Variants in EPHA6 observed in about 807,000 individuals in gnomAD.
EPHA6 encodes EPH receptor A6.
A neutral mutation model predicts 112.0 loss-of-function variants in EPHA6; 50 were observed. The ratio of observed to expected loss-of-function variants is 0.45; its 90% CI spans 0.36 to 0.56. The LOEUF is 0.56. Among genes scored for constraint, EPHA6 ranks in the 20% least tolerant of loss-of-function variants. The pLI, the probability that EPHA6 is intolerant of heterozygous loss-of-function variation, is 0.00. For missense variants in EPHA6, 1,280 were observed against 1,417.4 expected (o/e 0.90, Z 1.56); for synonymous variants, 529 against 490.7 (o/e 1.08, Z -1.03).
intron 7 of EPHA6, among the ~76,000 whole-genome samples, chr3:97,449,324 T>C (rs1442156583): frequency 6.6e-6 from 1 of 152,094 alleles, no homozygotes; most frequent in African/African-American, 2.4e-5. Context: ...ACCAATGAAC[T>C]CTTTTTGGCC....
At chr3:96,866,766 AAT>A in intron 1 of EPHA6, 57 bp from the exon 2 acceptor site, 3 of 861,234 alleles carry the variant, frequency 3.5e-6, no homozygotes, top group Non-Finnish European at 5.2e-6. Flanking sequence ...TTAATAATTT[AAT>A]ATATTTTTGC....
intron 3 of EPHA6, among the ~76,000 whole-genome samples, chr3:97,114,235 T>C (rs1161449217): frequency 6.6e-6 from 1 of 152,104 alleles, no homozygotes; most frequent in Non-Finnish European, 1.5e-5. Context: ...AGACTTCTAA[T>C]AATATTTAAG....
intron 3 of EPHA6, among the ~76,000 whole-genome samples, chr3:97,026,627 A>C (rs529213508): frequency 6.6e-6 from 1 of 152,306 alleles, no homozygotes; most frequent in South Asian, 2.1e-4. Context: ...AAAATTAGGC[A>C]AAGGACATGA....
At chr3:97,062,390 G>C (rs1253134329) in intron 3 of EPHA6, among the ~76,000 whole-genome samples, 1 of 152,086 alleles carries the variant, frequency 6.6e-6, no homozygotes, top group African/African-American at 2.4e-5. Context: ...GCTGAGATAG[G>C]GTTCCCGAGA....
intron 10 of EPHA6, among the ~76,000 whole-genome samples, chr3:97,516,174 G>A (rs1469534416): frequency 6.6e-6 from 1 of 152,090 alleles, no homozygotes; most frequent in Non-Finnish European, 1.5e-5. Flanking sequence ...TAGGTGGTAG[G>A]TATTTAACCA....
intron 6 of EPHA6, among the ~76,000 whole-genome samples, chr3:97,447,361 A>T: frequency 6.6e-6 from 1 of 152,146 alleles, no homozygotes; most frequent in East Asian, 1.9e-4. Flanking sequence ...TTTGATGGGA[A>T]TATTATAGAC....
intron 14 of EPHA6, among the ~76,000 whole-genome samples, chr3:97,679,458 G>C (rs74381148): frequency 6.6e-6 from 1 of 152,010 alleles, no homozygotes; most frequent in Non-Finnish European, 1.5e-5. Flanking sequence ...GTACTGCTAG[G>C]CATGAAAACA....
chr3:97,588,563 G>A (rs1202688952), intron 11 of EPHA6, among the ~76,000 whole-genome samples: 2 of 152,092 alleles, frequency 1.3e-5, no homozygotes, highest in Non-Finnish European at 2.9e-5. Context: ...TTTTCTATGA[G>A]GAGTTTGTAT....
chr3:97,318,814 T>A (rs573735373), intron 5 of EPHA6, among the ~76,000 whole-genome samples: 1 of 151,982 alleles, frequency 6.6e-6, no homozygotes, highest in Non-Finnish European at 1.5e-5. Flanking sequence ...GTAACTATAA[T>A]CCTTTGATAA....
chr3:97,632,485 TC>T (rs1395247580), intron 13 of EPHA6, among the ~76,000 whole-genome samples: 2 of 151,984 alleles, frequency 1.3e-5, no homozygotes, highest in African/African-American at 4.8e-5. Context: ...TGCTCTCAAA[TC>T]ACCCTTTTTT....
At chr3:97,132,450 T>G (rs1166850109) in intron 3 of EPHA6, among the ~76,000 whole-genome samples, 2 of 152,088 alleles carry the variant, frequency 1.3e-5, no homozygotes, top group Non-Finnish European at 2.9e-5. Context: ...TTTTTAAATA[T>G]CTCACTCTAC....
At chr3:97,014,420 T>TCCCTCCCACCTTCCTTCTTC (rs1393289141) in intron 3 of EPHA6, among the ~76,000 whole-genome samples, 1 of 151,612 alleles carries the variant, frequency 6.6e-6, no homozygotes, top group African/African-American at 2.4e-5. Flanking sequence ...CTTCCTTCTT[T>TCCCTCCCACCTTCCTTCTTC]CCCTCCCACC....
At chr3:96,875,831 A>G (rs2036911254) in intron 2 of EPHA6, among the ~76,000 whole-genome samples, 1 of 151,750 alleles carries the variant, frequency 6.6e-6, no homozygotes, top group African/African-American at 2.4e-5. Context: ...TCTTTTATTT[A>G]TTTTTATTTT....
At chr3:97,388,755 C>T (rs1402939450) in intron 5 of EPHA6, among the ~76,000 whole-genome samples, 1 of 152,106 alleles carries the variant, frequency 6.6e-6, no homozygotes, top group African/African-American at 2.4e-5. Context: ...AAAAGATCCT[C>T]ATCACAGATA....
chr3:97,043,056 G>T (rs890882275), intron 3 of EPHA6, among the ~76,000 whole-genome samples: 1 of 152,148 alleles, frequency 6.6e-6, no homozygotes, highest in African/African-American at 2.4e-5. Context: ...CTCTGATCTT[G>T]TATTTTATCT....
chr3:96,941,917 C>T (rs909826656), intron 2 of EPHA6, among the ~76,000 whole-genome samples: 1 of 148,686 alleles, frequency 6.7e-6, no homozygotes, highest in Non-Finnish European at 1.5e-5. Context: ...ACAGCGGTGG[C>T]TGTAGAACAG....
At chr3:97,682,722 G>A (rs1467261909) in intron 14 of EPHA6, among the ~76,000 whole-genome samples, 2 of 152,180 alleles carry the variant, frequency 1.3e-5, no homozygotes, top group African/African-American at 2.4e-5. Flanking sequence ...ACCGTGCACA[G>A]TATATATGTC....
At chr3:97,292,402 C>T (rs2080719409) in intron 5 of EPHA6, among the ~76,000 whole-genome samples, 1 of 152,214 alleles carries the variant, frequency 6.6e-6, no homozygotes, top group South Asian at 2.1e-4. Flanking sequence ...AAGTTCTTGT[C>T]CTGCATACAA....
chr3:96,907,323 C>T (rs902799861), intron 2 of EPHA6, among the ~76,000 whole-genome samples: 4 of 151,430 alleles, frequency 2.6e-5, no homozygotes, highest in African/African-American at 9.7e-5. Context: ...TTATTATATA[C>T]CCCACTGAAA....
Sources: gnomAD v4.1 joint callset for allele counts (sites outside exome capture counted in the v4.1 genomes callset) on GRCh38, gnomAD v4.1.1 for gene constraint, MANE v1.5 for transcripts, NCBI Gene and HGNC (gene_info 2026-07-23, HGNC 2026-07-21) for gene names.